Variants in NTRK2 observed in about 807,000 individuals in gnomAD.
The protein encoded by NTRK2 is neurotrophic receptor tyrosine kinase 2, also known as BDNF/NT-3 growth factors receptor.
In NTRK2, 13 loss-of-function variants were observed where a neutral mutation model predicts 94.5. The observed-to-expected ratio is 0.14, with a 90% CI of 0.09 to 0.22. NTRK2 has a LOEUF of 0.22. Among genes scored for constraint, NTRK2 ranks in the 10% least tolerant of loss-of-function variants. NTRK2 has a pLI of 1.00. For missense variants in NTRK2, 639 were observed against 1,071.2 expected, an observed-to-expected ratio of 0.60 and a Z score of 5.63; for synonymous variants, 372 against 407.4, an observed-to-expected ratio of 0.91 and a Z score of 1.05.
At chr9:84,715,067 C>A (rs1234780663) in intron 6 of NTRK2, among the ~76,000 whole-genome samples, 4 of 152,132 alleles carry the variant, frequency 2.6e-5, no homozygotes, top group Non-Finnish European at 4.4e-5. Context: ...AGAACAAGTT[C>A]TCTACATTTT....
intron 17 of NTRK2, among the ~76,000 whole-genome samples, chr9:84,977,732 A>C (rs1437505099): frequency 6.6e-6 from 1 of 152,206 alleles, no homozygotes; most frequent in Non-Finnish European, 1.5e-5. Flanking sequence ...TTATTGCACT[A>C]TGCAAATATT....
chr9:84,818,633 C>T (rs572970835), intron 12 of NTRK2, among the ~76,000 whole-genome samples: 107 of 152,358 alleles, frequency 7.0e-4, no homozygotes, highest in Admixed American at 2.0e-3. Context: ...AGCACGTTTG[C>T]TTTGTCCGTT....
chr9:84,995,880 A>G (rs772249363), intron 17 of NTRK2, among the ~76,000 whole-genome samples: 6 of 152,232 alleles, frequency 3.9e-5, no homozygotes. Flanking sequence ...GTAATTAACC[A>G]TTAATAGAGG....
intron 15 of NTRK2, among the ~76,000 whole-genome samples, chr9:84,944,910 G>A (rs1169024572): frequency 1.3e-5 from 2 of 152,236 alleles, no homozygotes; most frequent in Non-Finnish European, 2.9e-5. Flanking sequence ...TTGTGTCCCT[G>A]TGGAGTAGAT....
chr9:84,813,988 G>C, intron 12 of NTRK2: 1 of 1,065,282 alleles, frequency 9.4e-7, no homozygotes, highest in African/African-American at 1.6e-5. Flanking sequence ...GACGACAAAA[G>C]TACAAACAGT....
chr9:84,873,881 G>A (rs1355566100), intron 14 of NTRK2: 2 of 1,060,964 alleles, frequency 1.9e-6, no homozygotes, highest in Admixed American at 5.4e-5. Context: ...CAAAAATAAA[G>A]ATTATGGATT....
intron 12 of NTRK2, among the ~76,000 whole-genome samples, chr9:84,798,732 G>A (rs1306177090): frequency 2.0e-5 from 3 of 151,902 alleles, no homozygotes; most frequent in East Asian, 3.9e-4. Context: ...TGTCTTTTCC[G>A]TTTGGTGCGT....
intron 6 of NTRK2, among the ~76,000 whole-genome samples, chr9:84,719,636 AG>A (rs1349588281): frequency 3.9e-5 from 6 of 152,046 alleles, no homozygotes; most frequent in African/African-American, 1.2e-4. Flanking sequence ...CTGGCTATGG[AG>A]GGGGTCATAC....
intron 17 of NTRK2, among the ~76,000 whole-genome samples, chr9:84,961,451 G>A (rs560596507): frequency 5.3e-4 from 80 of 152,284 alleles, no homozygotes; most frequent in African/African-American, 1.8e-3. Flanking sequence ...GAACCCGTCT[G>A]CCAGGGAGAA....
chr9:84,942,223 C>T (rs2078435697), intron 15 of NTRK2, among the ~76,000 whole-genome samples: 1 of 152,148 alleles, frequency 6.6e-6, no homozygotes. Flanking sequence ...TCTCTAGTTT[C>T]TAAGATTTTA....
intron 12 of NTRK2, among the ~76,000 whole-genome samples, chr9:84,781,042 G>C (rs911967779): frequency 6.6e-6 from 1 of 152,082 alleles, no homozygotes; most frequent in African/African-American, 2.4e-5. Context: ...GACTGTCAGG[G>C]TTCAGGGTGC....
At chr9:85,004,737 C>CA (rs1284331252) in intron 17 of NTRK2, among the ~76,000 whole-genome samples, 1 of 152,110 alleles carries the variant, frequency 6.6e-6, no homozygotes, top group Non-Finnish European at 1.5e-5. Context: ...CCCAGGATAC[C>CA]ATAAGGGCAG....
At chr9:84,873,559 G>A (rs202116923) in intron 14 of NTRK2, 105 of 1,054,218 alleles carry the variant, frequency 1.0e-4, no homozygotes, top group Non-Finnish European at 1.2e-4. Context: ...CAACTCCAAA[G>A]GAGATGATAA....
chr9:84,816,552 GGGC>G, intron 12 of NTRK2, among the ~76,000 whole-genome samples: 1 of 152,010 alleles, frequency 6.6e-6, no homozygotes, highest in South Asian at 2.1e-4. Context: ...AGGCTGAGGC[GGGC>G]GGATCATGAG....
chr9:84,861,135 T>G (rs2075321083), intron 13 of NTRK2, 48 bp downstream of exon 13: 1 of 1,407,090 alleles, frequency 7.1e-7, no homozygotes. Context: ...GAGTCTATGT[T>G]TTTATTCGGA....
At chr9:84,844,723 G>A (rs530572393) in intron 12 of NTRK2, among the ~76,000 whole-genome samples, 15 of 150,544 alleles carry the variant, frequency 1.0e-4, no homozygotes, top group South Asian at 6.3e-4. Flanking sequence ...CTATTTATTC[G>A]TGGCTATTGC....
intron 17 of NTRK2, among the ~76,000 whole-genome samples, chr9:85,018,620 T>A (rs191173052): frequency 5.5e-4 from 84 of 152,214 alleles, no homozygotes; most frequent in Admixed American, 2.1e-3. Context: ...GGTCACAGAG[T>A]TATAAACAGG....
intron 14 of NTRK2, among the ~76,000 whole-genome samples, chr9:84,915,976 G>A (rs1358981223): frequency 1.3e-5 from 2 of 152,084 alleles, no homozygotes; most frequent in Non-Finnish European, 2.9e-5. Context: ...TGATACAACA[G>A]TTTAGACTTA....
chr9:84,995,587 C>T (rs1270977996), intron 17 of NTRK2, among the ~76,000 whole-genome samples: 1 of 152,206 alleles, frequency 6.6e-6, no homozygotes, highest in Non-Finnish European at 1.5e-5. Flanking sequence ...GTCTGCCACA[C>T]ACTTGGGCAA....
Sources: gnomAD v4.1 joint callset for allele counts (sites outside exome capture counted in the v4.1 genomes callset) on GRCh38, gnomAD v4.1.1 for gene constraint, MANE v1.5 for transcripts, NCBI Gene and HGNC (gene_info 2026-07-23, HGNC 2026-07-21) for gene names.